PRSS53: variants seen among roughly 807,000 people sequenced by gnomAD.
The protein encoded by PRSS53 is serine protease 53, also known as EDTP308.
In PRSS53, 54 loss-of-function variants were observed where a neutral mutation model predicts 62.7. The ratio of observed to expected loss-of-function variants is 0.86; its 90% confidence interval spans 0.69 to 1.08. The LOEUF is 1.08. Ranked by LOEUF, PRSS53 falls within the 50% of genes least tolerant of loss-of-function variation. The probability of loss-of-function intolerance (pLI) is 0.00; values close to 1 mark genes in which losing one functional copy is unlikely to be tolerated. For missense variants in PRSS53, 688 were observed against 728.3 expected (o/e 0.94, Z 0.64); for synonymous variants, 273 against 300.0 (o/e 0.91, Z 0.93).
exon 4 of PRSS53, chr16:31,086,755 A>G: frequency 1.2e-6 from 2 of 1,608,564 alleles, no homozygotes; most frequent in South Asian, 2.2e-5. Flanking sequence ...CAGCAGGGCC[A>G]GGTCTGAGCC....
chr16:31,088,355 C>T (rs1331950373), intron 1 of PRSS53: 7 of 1,124,022 alleles, frequency 6.2e-6, no homozygotes, highest in East Asian at 6.1e-5. Context: ...CACCGCCCCT[C>T]ACAGGCACAC....
At chr16:31,087,089 CCAGGCTCAAGCGATCCTCCCACCT>C (rs1349476247) in intron 3 of PRSS53, 191 bp from the exon 4 acceptor site, 1 of 594,352 alleles carries the variant, frequency 1.7e-6, no homozygotes, top group Admixed American at 3.6e-5. Context: ...CCTTGACCTC[CCAGGCTCAAGCGATCCTCCCACCT>C]CAGCCTCGTG....
chr16:31,084,469 G>A, intron 9 of PRSS53, 89 bp downstream of exon 9: 2 of 1,519,070 alleles, frequency 1.3e-6, no homozygotes, highest in East Asian at 4.8e-5. Context: ...GGTGGGTCCA[G>A]AGGCCAAGCC....
chr16:31,084,289 A>G (rs2057203549), exon 10 of PRSS53: 4 of 1,612,900 alleles, frequency 2.5e-6, no homozygotes, highest in African/African-American at 1.3e-5. Flanking sequence ...CCCGGCCAGG[A>G]ACCATGTGCC....
chr16:31,084,639 A>G (rs1253563128), exon 9 of PRSS53: 7 of 1,608,830 alleles, frequency 4.4e-6, no homozygotes, highest in Non-Finnish European at 5.1e-6. Flanking sequence ...CAGGAGCTGC[A>G]TGCAGCCGGC....
chr16:31,084,930 G>T, exon 8 of PRSS53: 1 of 1,545,410 alleles, frequency 6.5e-7, no homozygotes, highest in Non-Finnish European at 8.7e-7. Context: ...CCCCCCTCAG[G>T]GTGGGTGTAG....
chr16:31,086,103 G>A (rs2057230537), exon 6 of PRSS53: 1 of 1,613,606 alleles, frequency 6.2e-7, no homozygotes, highest in African/African-American at 1.3e-5. Context: ...CCTGGGCACA[G>A]CTTGATGCAA....
At position 31,087,708 on chromosome 16, in the gene PRSS53, A is replaced by C. The variant is rs1361702849; in HGVS notation, c.80-9T>G. ...GCCACGCTGTCCACAGGCTGTGGAA[A>C]GGAGTTAGTCACACTGACAGCAGAT... On this transcript the variant is annotated splice_polypyrimidine_tract_variant and intron_variant, in intron 2 of 10. Transcript: ENST00000280606. 6.2e-7 allele frequency: 1 copy of C among 1,613,698 alleles called. No individual in the cohort carries two copies. The highest frequency in any genetic ancestry group is 1.3e-5 in the African/African-American group (1 of 74,896).
chr16:31,086,674 G>T, exon 4 of PRSS53: 2 of 1,545,476 alleles, frequency 1.3e-6, no homozygotes, highest in Non-Finnish European at 1.7e-6. Flanking sequence ...CCAGCAGGAG[G>T]CTCCAAAGGG....
Position 31,087,846 on chromosome 16 carries a change from G to A in PRSS53, c.59-20C>T. The A allele has an allele frequency of 1.2e-6, 2 of 1,613,684 alleles. No homozygotes were observed. The highest frequency in any genetic ancestry group is 1.7e-6 in the Non-Finnish European group (2 of 1,179,968). The stretch of plus-strand genomic sequence containing the variant: ...GAAGACCTGGGAAGAGAGAGACACA[G>A]GTAAGATGCAGGGACTCCAGGCCTG... On this transcript the variant is annotated intron_variant, in intron 1 of 10. Coordinates refer to ENST00000280606, the Ensembl canonical transcript of PRSS53.
intron 10 of PRSS53, 121 bp from the exon 11 acceptor site, chr16:31,083,930 GGCTCAAA>G: frequency 6.5e-7 from 1 of 1,547,988 alleles, no homozygotes; most frequent in Non-Finnish European, 8.7e-7. Context: ...AGAATACTGA[GGCTCAAA>G]GCGGTTGAGC....
At chr16:31,087,927 T>C in intron 1 of PRSS53, 101 bp from the exon 2 acceptor site, 2 of 1,565,262 alleles carry the variant, frequency 1.3e-6, no homozygotes, top group Non-Finnish European at 1.7e-6. Context: ...GGTCCTTGCC[T>C]GTGACTCTGA....
At chr16:31,086,345 G>A (rs760094399) in exon 5 of PRSS53, 57 of 1,611,594 alleles carry the variant, frequency 3.5e-5, no homozygotes, top group Non-Finnish European at 2.7e-5. Flanking sequence ...ACCTGACAGG[G>A]GCCCTGCACC....
exon 3 of PRSS53, chr16:31,087,577 C>T: frequency 6.2e-7 from 1 of 1,612,942 alleles, no homozygotes. Context: ...CAGGTGTCTG[C>T]CACCAGGGAG....
intron 1 of PRSS53, chr16:31,088,385 T>C (rs1330932074): frequency 8.7e-6 from 10 of 1,153,278 alleles, no homozygotes; most frequent in Non-Finnish European, 9.7e-6. Context: ...ATGAGACAGC[T>C]GAGCCAGGCT....
exon 4 of PRSS53, chr16:31,086,734 T>G (rs1596789489): frequency 6.3e-7 from 1 of 1,593,464 alleles, no homozygotes; most frequent in Non-Finnish European, 8.6e-7. Context: ...GGTCGTGGGG[T>G]GGGCGAGCTG....
chr16:31,086,576 C>G, intron 4 of PRSS53, 57 bp downstream of exon 4: 1 of 1,554,090 alleles, frequency 6.4e-7, no homozygotes, highest in South Asian at 1.2e-5. Context: ...GGAGCTGAGA[C>G]TGTGACGCTG....
intron 1 of PRSS53, chr16:31,088,286 C>T: frequency 8.9e-7 from 1 of 1,128,228 alleles, no homozygotes; most frequent in South Asian, 2.3e-5. Flanking sequence ...TCTAGAGACT[C>T]AGTCTTCCCC....
At chr16:31,086,449 C>T (rs201910546) in exon 5 of PRSS53, 363 of 1,613,978 alleles carry the variant, frequency 2.2e-4, no homozygotes, top group Admixed American at 4.3e-4. Context: ...ACATGTGGGG[C>T]GACTGATGAG....
Sources: gnomAD v4.1 joint callset for allele counts on GRCh38, gnomAD v4.1.1 for gene constraint, MANE v1.5 for transcripts, NCBI Gene and HGNC (gene_info 2026-07-23, HGNC 2026-07-21) for gene names.